The following NLRC3 variants were observed in gnomAD, a reference collection of about 807,000 sequenced individuals.
The protein encoded by NLRC3 is NLR family CARD domain-containing protein 3.
In NLRC3, 87 loss-of-function variants were observed where a neutral mutation model predicts 91.6. The ratio of observed to expected loss-of-function variants is 0.95; its 90% CI spans 0.80 to 1.14. The LOEUF (loss-of-function observed/expected upper bound fraction) is 1.14. NLRC3 is among the 50% of genes most tolerant of loss of function. The pLI, the probability that NLRC3 is intolerant of heterozygous loss-of-function variation, is 0.00. For missense variants in NLRC3, 1,577 were observed against 1,418.6 expected, an observed-to-expected ratio of 1.11 and a Z score of -1.79; for synonymous variants, 694 against 625.3, an observed-to-expected ratio of 1.11 and a Z score of -1.64.
chr16:3,566,533 C>A (rs2039890626), intron 2 of NLRC3, among the ~76,000 whole-genome samples: 1 of 152,098 alleles, frequency 6.6e-6, no homozygotes, highest in Non-Finnish European at 1.5e-5. Flanking sequence ...CAAGACCAGC[C>A]TGACCAACAT....
In NLRC3 at chr16:3,561,716, G is replaced by A. The variant is rs1336417141; in HGVS notation, c.2001C>T (p.Arg667=). The A allele has an allele frequency of 1.2e-6, 2 of 1,612,588 alleles. No individual in the cohort carries two copies. Among genetic ancestry groups the A allele is most frequent in the Admixed American group, 3.3e-5 (2 of 60,012 alleles). The change falls in exon 6 of 20, where the codon CGC becomes CGT. Residue 667 remains arginine (R), a synonymous_variant. Transcript: ENST00000359128. ...GTCTGTGTTACCTGATCTTCTGAAT[G>A]CGACAGTCCTTCCCACTCAGCACGC... is the stretch of plus-strand genomic sequence containing the variant. ...LGSVLSGKDC[R]IQKISLAENQ... is the part of the protein sequence containing the mutation.
chr16:3,551,289 C>T (rs1416996691), intron 10 of NLRC3, among the ~76,000 whole-genome samples: 1 of 151,524 alleles, frequency 6.6e-6, no homozygotes, highest in Non-Finnish European at 1.5e-5. Flanking sequence ...TCCATCTATC[C>T]ACTCACCCAT....
chr16:3,548,959 C>T (rs370787047), intron 13 of NLRC3, among the ~76,000 whole-genome samples, 183 bp downstream of exon 13: 8 of 152,330 alleles, frequency 5.3e-5, no homozygotes, highest in South Asian at 4.1e-4. Context: ...GCCTCACCCT[C>T]GTGCAGTTTA....
Position 3,549,217 on chromosome 16 carries a change from T to C in NLRC3, c.2528A>G (p.Glu843Gly). Residue 843 changes from glutamate (E) to glycine (G), a missense_variant, in exon 13 of 20, where the codon GAA becomes GGA. Physicochemically the swap from Glu to Gly is moderately conservative, Grantham distance 98. Coordinates refer to ENST00000359128, the MANE Select transcript of NLRC3 (RefSeq NM_178844.4). The part of the protein sequence containing the change: ...NQTLLSLSLR[E>G]NSISPEGAQA... ...GGCTCCCTCGGGACTGATGGAGTTT[T>C]CTCGAAGGCTGAAAAAAAAGGAAAG... 1 of 1,579,714 alleles carries C rather than the reference T, an allele frequency of 6.3e-7. No individual in the cohort carries two copies. Among genetic ancestry groups the C allele is most frequent in the Non-Finnish European group, 8.6e-7 (1 of 1,162,398 alleles).
At chr16:3,543,300 G>T in intron 17 of NLRC3, 125 bp downstream of exon 17, 1 of 714,468 alleles carries the variant, frequency 1.4e-6, no homozygotes, top group Non-Finnish European at 2.4e-6. Flanking sequence ...TGGTATACTT[G>T]CACTGAAATG....
rs767581103 is a variant in NLRC3, at chr16:3,564,286, G to A, written c.651C>T (p.Ile217=). 1.2e-6 allele frequency: 2 copies of A among 1,611,878 alleles called. No homozygotes were observed. Among genetic ancestry groups the A allele is most frequent in the African/African-American group, 2.7e-5 (2 of 74,944 alleles). ...AVAVPARALL[I]LDGLDECRTP... ...TCCTGCACTCATCCAAGCCGTCCAG[G>A]ATCAGGAGGGCCCTGGCTGGGACTG... The change falls in exon 5 of 20, where the codon ATC becomes ATT. Residue 217 remains isoleucine (I), a synonymous_variant. Transcript: ENST00000359128. The surrounding 1 kb of genome is among the most constrained non-coding windows in gnomAD (Gnocchi z 5.9).
chr16:3,565,376 G>C lies in NLRC3; in HGVS notation c.-82C>G, dbSNP rs763667960. The stretch of plus-strand genomic sequence containing the variant: ...TCTCTGCGCCTTGGTGTCTTCATTT[G>C]TGACCTGGAAATGATGATGAGGTTA... On this transcript the variant is annotated 5_prime_UTR_variant, in exon 3 of 20. Transcript: ENST00000359128. The C allele has an allele frequency of 2.0e-6, 1 of 501,034 alleles. No homozygotes were observed. Among genetic ancestry groups the C allele is most frequent in the South Asian group, 1.6e-5 (1 of 64,422 alleles). 31.0% of individuals were successfully genotyped at this position (501,034 alleles called of 1,614,324 possible). A position where few individuals can be genotyped will look rare whatever the true frequency, so the allele number is the denominator to read the frequency against.
chr16:3,541,598 C>T lies in NLRC3; in HGVS notation c.*227G>A. 3.6e-6 allele frequency: 2 copies of T among 558,288 alleles called. No individual in the cohort carries two copies. The highest frequency in any genetic ancestry group is 6.2e-5 in the Admixed American group (2 of 32,422). The allele number at this position is 558,288 out of a possible 1,614,324, so 34.6% of individuals were successfully genotyped here. A position where few individuals can be genotyped will look rare whatever the true frequency, so the allele number is the denominator to read the frequency against. On this transcript the variant is annotated 3_prime_UTR_variant, in exon 20 of 20. Coordinates refer to ENST00000359128, the MANE Select transcript of NLRC3 (RefSeq NM_178844.4). ...CCCTTGGGGGTGGCCCCTCCCTTCTCTGTGCCATAACAGAGTACCCGTCAC... is the reference window on the plus strand; with the variant it reads ...CCCTTGGGGGTGGCCCCTCCCTTCTTTGTGCCATAACAGAGTACCCGTCAC...
intron 1 of NLRC3, among the ~76,000 whole-genome samples, chr16:3,575,193 A>AG (rs1423076942): frequency 6.6e-6 from 1 of 152,080 alleles, no homozygotes; most frequent in Non-Finnish European, 1.5e-5. Context: ...AGGACAGAGG[A>AG]GGGGGTGCAG....
At chr16:3,572,670 C>G (rs2040140439) in intron 1 of NLRC3, among the ~76,000 whole-genome samples, 2 of 152,084 alleles carry the variant, frequency 1.3e-5, no homozygotes, top group African/African-American at 4.8e-5. Flanking sequence ...TATCTGTTGT[C>G]ATTAAATATC....
At chr16:3,549,623 C>T in intron 12 of NLRC3, 74 bp downstream of exon 12, 1 of 1,137,012 alleles carries the variant, frequency 8.8e-7, no homozygotes, top group South Asian at 1.3e-5. Flanking sequence ...AGACAGGCTT[C>T]CCAGTGCCAA....
chr16:3,563,506 G>T lies in NLRC3; in HGVS notation c.1431C>A (p.Asp477Glu), dbSNP rs1312512932. ...AGGATACGCCGCTCTCAGTGAAGAGGTCGAAGATGGCCCTCCTGGATGCGC... is the reference window on the plus strand; with the variant it reads ...AGGATACGCCGCTCTCAGTGAAGAGTTCGAAGATGGCCCTCCTGGATGCGC... ...YYGASRRAIF[D>E]LFTESGVSWP... is the part of the protein sequence containing the mutation. Residue 477 changes from aspartate to glutamate, a missense_variant, in exon 5 of 20, where the codon GAC becomes GAA. Asp to Glu is a conservative substitution (Grantham distance 45). Transcript: ENST00000359128. The T allele has an allele frequency of 1.9e-6, 3 of 1,600,028 alleles. No homozygotes were observed. Among genetic ancestry groups the T allele is most frequent in the Non-Finnish European group, 1.7e-6 (2 of 1,173,882 alleles).
chr16:3,561,940 G>A (rs114587097), intron 5 of NLRC3, among the ~76,000 whole-genome samples, 152 bp from the exon 6 acceptor site: 80 of 152,346 alleles, frequency 5.3e-4, no homozygotes, highest in African/African-American at 1.8e-3. Flanking sequence ...GACCTTTCCC[G>A]TGAGAGTGAA....
rs373547443 is a variant in NLRC3 at position 3,544,228 on chromosome 16, C to T, written c.2855+18G>A. The T allele has an allele frequency of 1.3e-5, 20 of 1,507,438 alleles. No individual in the cohort carries two copies. Among genetic ancestry groups the T allele is most frequent in the African/African-American group, 8.2e-5 (6 of 72,766 alleles). 93.4% of individuals were successfully genotyped at this position (1,507,438 alleles called of 1,614,324 possible). On this transcript the variant is annotated intron_variant, in intron 16 of 19. Transcript: ENST00000359128. ...GAAGGGACCGGTTTCCTGACTGCTGCGCACATCTAGGACTTACTAGAGAGC... is the reference window on the plus strand; with the variant it reads ...GAAGGGACCGGTTTCCTGACTGCTGTGCACATCTAGGACTTACTAGAGAGC...
At chr16:3,575,085 A>G (rs923272619) in intron 1 of NLRC3, among the ~76,000 whole-genome samples, 1 of 152,252 alleles carries the variant, frequency 6.6e-6, no homozygotes, top group African/African-American at 2.4e-5. Flanking sequence ...ATTATTTGAA[A>G]TTCACATTTG....
At chr16:3,548,589 G>T in intron 14 of NLRC3, 81 bp downstream of exon 14, 1 of 1,062,444 alleles carries the variant, frequency 9.4e-7, no homozygotes, top group Non-Finnish European at 1.4e-6. Flanking sequence ...AACCAGGTGT[G>T]GCCTGTGCAT....
At position 3,549,679 on chromosome 16, in the gene NLRC3, A is replaced by C. The variant is rs1220120884; in HGVS notation, c.2519+18T>G. On this transcript the variant is annotated intron_variant, in intron 12 of 19. Transcript: ENST00000359128. ...CGTCAAAGAAACGCCCTGTTTGGAG[A>C]GGGTGGCCAGGACTTACCTGAGGCT... 1 of 1,537,026 alleles carries C rather than the reference A, an allele frequency of 6.5e-7. No homozygotes were observed. The highest frequency in any genetic ancestry group is 8.8e-7 in the Non-Finnish European group (1 of 1,133,842).
rs1275900150 is a variant in NLRC3, at chr16:3,542,268, T to G, written c.3030A>C (p.Gln1010His). 6.9e-6 allele frequency: 11 copies of G among 1,583,758 alleles called. No individual in the cohort carries two copies. Among genetic ancestry groups the G allele is most frequent in the Non-Finnish European group, 8.6e-6 (10 of 1,162,428 alleles). ...CCCCGTCCATCCCCAGAGAATTCTC[T>G]TGAAGACTAAGTGGAAAAGAGATGG... ...VNSSLRRLNLQENSLGMDGAI... is the reference protein window; with the variant it reads ...VNSSLRRLNLHENSLGMDGAI... The change falls in exon 19 of 20, where the codon CAA (glutamine) becomes CAC (histidine). Residue 1010 changes from glutamine to histidine, a missense_variant. Physicochemically the swap from Gln to His is conservative, Grantham distance 24 (BLOSUM62 0). Transcript: ENST00000359128.
intron 2 of NLRC3, 66 bp from the exon 3 acceptor site, chr16:3,565,446 C>A: frequency 4.5e-6 from 1 of 220,636 alleles, no homozygotes; most frequent in South Asian, 3.4e-5. Flanking sequence ...AGAAGGTACT[C>A]TGTTGGAACA....
Sources: allele counts gnomAD v4.1 joint callset (sites outside exome capture counted in the v4.1 genomes callset), GRCh38; gene constraint gnomAD v4.1.1; non-coding constraint Gnocchi (gnomAD v3.1); transcripts MANE v1.5; gene names NCBI Gene and HGNC (gene_info 2026-07-23, HGNC 2026-07-21).